Variants in CFLAR observed in about 807,000 individuals in gnomAD.
The protein encoded by CFLAR is CASP8 and FADD-like apoptosis regulator.
A neutral mutation model predicts 51.1 loss-of-function variants in CFLAR; 14 were observed. The ratio of observed to expected loss-of-function variants is 0.27; its 90% CI spans 0.18 to 0.43. CFLAR has a LOEUF of 0.43. CFLAR is among the 20% of genes least tolerant of loss of function. The pLI is 1.00. For synonymous variants in CFLAR, 210 were observed against 211.6 expected, an observed-to-expected ratio of 0.99 and a Z score of 0.06; for missense variants, 390 against 566.5, an observed-to-expected ratio of 0.69 and a Z score of 3.16.
At chr2:201,121,418 T>A (rs1182855357) in intron 1 of CFLAR, among the ~76,000 whole-genome samples, 1 of 152,160 alleles carries the variant, frequency 6.6e-6, no homozygotes, top group Non-Finnish European at 1.5e-5. Context: ...TCACCAGGAA[T>A]GTAAAGGAAC....
chr2:201,135,486 A>C (rs1046284967), intron 3 of CFLAR, among the ~76,000 whole-genome samples: 14 of 152,200 alleles, frequency 9.2e-5, no homozygotes, highest in Admixed American at 5.9e-4. Context: ...CTCTGTTCTG[A>C]GTAAAAATCA....
At chr2:201,143,929 G>A (rs1438388257) in intron 5 of CFLAR, among the ~76,000 whole-genome samples, 1 of 151,648 alleles carries the variant, frequency 6.6e-6, no homozygotes, top group East Asian at 1.9e-4. Context: ...CACCCTGGGT[G>A]ACAGAGTGAG....
At chr2:201,136,637 A>G in intron 4 of CFLAR, 1 of 1,392,946 alleles carries the variant, frequency 7.2e-7, no homozygotes. Context: ...TTTTAGACTC[A>G]GCCTCAGCTT....
chr2:201,120,825 A>G (rs2048127282), intron 1 of CFLAR, among the ~76,000 whole-genome samples: 1 of 152,198 alleles, frequency 6.6e-6, no homozygotes, highest in African/African-American at 2.4e-5. Context: ...AGCTTTCAAA[A>G]GTAGTTTTCA....
At chr2:201,121,428 C>A (rs1348099977) in intron 1 of CFLAR, among the ~76,000 whole-genome samples, 3 of 152,066 alleles carry the variant, frequency 2.0e-5, no homozygotes, top group Non-Finnish European at 2.9e-5. Flanking sequence ...TGTAAAGGAA[C>A]CTAGAACGAG....
intron 8 of CFLAR, among the ~76,000 whole-genome samples, chr2:201,158,852 CATTATTATT>C (rs61427822): frequency 0.017 from 2,325 of 139,616 alleles, 75 homozygotes; most frequent in African/African-American, 0.059. Flanking sequence ...TTGCCCTCAT[CATTATTATT>C]ATTATTATTA....
chr2:201,161,820 C>T (rs138048427), intron 9 of CFLAR, among the ~76,000 whole-genome samples: 7 of 146,264 alleles, frequency 4.8e-5, no homozygotes, highest in African/African-American at 1.5e-4. Context: ...GATCTTGGCT[C>T]GCTGCAACCT....
Position 201,164,583 on chromosome 2 carries a change from G to A in CFLAR, c.*610G>A, listed in dbSNP as rs889409615. The A allele has an allele frequency of 6.6e-6, 1 of 152,276 alleles. No homozygotes were observed. Among genetic ancestry groups the A allele is most frequent in the African/African-American group, 2.4e-5 (1 of 41,554 alleles). 9.4% of individuals were successfully genotyped at this position (152,276 alleles called of 1,614,324 possible). ...CCATGTTTTGCCTGCTTTTATTCTG[G>A]CAGTGCTGGCAGCTGATTAGATGGT... On this transcript the variant is annotated 3_prime_UTR_variant, in exon 10 of 10. Coordinates refer to ENST00000309955, the MANE Select transcript of CFLAR (RefSeq NM_003879.7).
chr2:201,126,220 A>G (rs1447702662), intron 1 of CFLAR, among the ~76,000 whole-genome samples: 3 of 152,110 alleles, frequency 2.0e-5, no homozygotes, highest in Non-Finnish European at 4.4e-5. Context: ...AAACAATTTT[A>G]CAGAAGTAAA....
intron 1 of CFLAR, among the ~76,000 whole-genome samples, chr2:201,120,236 A>T (rs1179360789): frequency 1.3e-5 from 2 of 150,386 alleles, no homozygotes; most frequent in Non-Finnish European, 3.0e-5. Flanking sequence ...CCCAGGCTGG[A>T]GTGCAGTGGT....
At chr2:201,141,530 A>G in intron 5 of CFLAR, 2 of 1,363,334 alleles carry the variant, frequency 1.5e-6, no homozygotes, top group Non-Finnish European at 1.9e-6. Flanking sequence ...TTGTTGCTGT[A>G]TGTTTAGATG....
At position 201,170,327 on chromosome 2, in the gene CFLAR, G is replaced by T. The variant is rs1943935473; in HGVS notation, c.*6354G>T. ...AGATTTTTCATTAATTCTTTTAATTGGTTATTACTGAACGTGAAAAAGTAA... is the reference window on the plus strand; with the variant it reads ...AGATTTTTCATTAATTCTTTTAATTTGTTATTACTGAACGTGAAAAAGTAA... On this transcript the variant is annotated 3_prime_UTR_variant, in exon 10 of 10. Transcript: ENST00000309955. 1.3e-5 allele frequency: 2 copies of T among 152,070 alleles called. No individual in the cohort carries two copies. The highest frequency in any genetic ancestry group is 4.1e-4 in the South Asian group (2 of 4,832). 9.4% of individuals were successfully genotyped at this position (152,070 alleles called of 1,614,324 possible).
At chr2:201,146,660 G>A (rs1940246981) in intron 6 of CFLAR, 1 of 152,326 alleles carries the variant, frequency 6.6e-6, no homozygotes, top group Non-Finnish European at 1.5e-5. Flanking sequence ...TGAGGCACAT[G>A]GCTGTGGTTC....
At chr2:201,144,390 T>C (rs910882439) in intron 5 of CFLAR, 7 of 152,242 alleles carry the variant, frequency 4.6e-5, no homozygotes, top group Non-Finnish European at 7.3e-5. Flanking sequence ...AATATTTGAT[T>C]ATCAAGAATC....
In CFLAR at chr2:201,164,235, C is replaced by A; in HGVS notation, c.*262C>A. 3.8e-6 allele frequency: 1 copy of A among 265,912 alleles called. No homozygotes were observed. The highest frequency in any genetic ancestry group is 7.2e-6 in the Non-Finnish European group (1 of 139,634). The allele number at this position is 265,912 out of a possible 1,614,324, so 16.5% of individuals were successfully genotyped here. A position where few individuals can be genotyped will look rare whatever the true frequency, so the allele number is the denominator to read the frequency against. On this transcript the variant is annotated 3_prime_UTR_variant, in exon 10 of 10. Coordinates refer to ENST00000309955, the MANE Select transcript of CFLAR (RefSeq NM_003879.7). The stretch of plus-strand genomic sequence containing the variant: ...TGCTGTGATTGTGCCTACGAATAGC[C>A]ACTGCATACCAACCTGGGCAATATA...
chr2:201,139,232 C>G (rs1166024209), intron 4 of CFLAR: 3 of 352,758 alleles, frequency 8.5e-6, no homozygotes, highest in African/African-American at 6.5e-5. Flanking sequence ...TGCTTGAAGG[C>G]AGCGTGCTCG....
intron 1 of CFLAR, among the ~76,000 whole-genome samples, chr2:201,120,510 A>G (rs2048094891): frequency 6.6e-6 from 1 of 152,140 alleles, no homozygotes; most frequent in Admixed American, 6.6e-5. Context: ...ACTTGATACC[A>G]CTTTCATCTG....
Position 201,160,488 on chromosome 2 carries a change from C to A in CFLAR, c.850C>A (p.Leu284Ile). The change falls in exon 9 of 10, where the codon CTC becomes ATC. Residue 284 changes from leucine to isoleucine, a missense_variant. Leu to Ile is a conservative substitution (Grantham distance 5). This residue lies in a region of CFLAR where 287 missense variants were observed against 363.6 expected (regional missense o/e 0.79). Coordinates refer to ENST00000309955, the MANE Select transcript of CFLAR (RefSeq NM_003879.7). ...LGYEVQKFLHLSMHGISQILG... is the reference protein window; with the variant it reads ...LGYEVQKFLHISMHGISQILG... ...CTATGAAGTCCAGAAATTCTTGCAT[C>A]TCAGTATGCATGGTATATCCCAGAT... 6 of 1,613,942 alleles carry A rather than the reference C, an allele frequency of 3.7e-6. No individual in the cohort carries two copies. Among genetic ancestry groups the A allele is most frequent in the Non-Finnish European group, 5.1e-6 (6 of 1,179,978 alleles).
intron 1 of CFLAR, among the ~76,000 whole-genome samples, chr2:201,120,010 CTTCTT>C (rs2048030641): frequency 1.4e-5 from 2 of 144,176 alleles, no homozygotes; most frequent in South Asian, 2.2e-4. Flanking sequence ...AAGGTGGGGC[CTTCTT>C]TTCTTTTCTT....
Sources: allele counts gnomAD v4.1 joint callset (sites outside exome capture counted in the v4.1 genomes callset), GRCh38; gene constraint gnomAD v4.1.1; regional missense constraint gnomAD v4.1.1; transcripts MANE v1.5; gene names NCBI Gene and HGNC (gene_info 2026-07-23, HGNC 2026-07-21).